The following NTRK3 variants were observed in gnomAD, a reference collection of about 807,000 sequenced individuals.
NTRK3 encodes the protein neurotrophic receptor tyrosine kinase 3.
Under a neutral mutation model 91.7 loss-of-function variants are expected in NTRK3, and 24 were observed. The ratio of observed to expected loss-of-function variants is 0.26; its 90% CI spans 0.19 to 0.37. NTRK3 has a LOEUF of 0.37. NTRK3 is among the 10% of genes least tolerant of loss of function. NTRK3 has a pLI of 1.00. For synonymous variants in NTRK3, 483 were observed against 404.0 expected, an observed-to-expected ratio of 1.20 and a Z score of -2.34; for missense variants, 880 against 1,068.9, an observed-to-expected ratio of 0.82 and a Z score of 2.46.
chr15:87,884,032 A>C, intron 17 of NTRK3, among the ~76,000 whole-genome samples: 1 of 151,090 alleles, frequency 6.6e-6, no homozygotes, highest in South Asian at 2.1e-4. Flanking sequence ...ATGCAAGAAA[A>C]GTAAGAAGAA....
chr15:88,141,019 C>T (rs1478752993), intron 6 of NTRK3, among the ~76,000 whole-genome samples: 1 of 152,088 alleles, frequency 6.6e-6, no homozygotes, highest in Non-Finnish European at 1.5e-5. Context: ...GCAGGGAGAA[C>T]TGTCTTTGGT....
At chr15:87,977,450 T>C (rs2073823257) in intron 14 of NTRK3, 1 of 216,094 alleles carries the variant, frequency 4.6e-6, no homozygotes, top group Non-Finnish European at 9.3e-6. Flanking sequence ...CCCATTGTCA[T>C]AGCACAAGGT....
intron 4 of NTRK3, 54 bp from the exon 5 acceptor site, chr15:88,183,543 GC>G: frequency 6.5e-7 from 1 of 1,538,650 alleles, no homozygotes; most frequent in Non-Finnish European, 9.0e-7. Context: ...AGGGATATCT[GC>G]TCTGGGCTGA....
At chr15:87,862,479 G>C (rs567660769) in exon 19 of NTRK3, 4 of 228,128 alleles carry the variant, frequency 1.8e-5, no homozygotes, top group South Asian at 1.8e-4. Context: ...CAAAATGGAG[G>C]TTTTCTAACA....
At chr15:88,125,006 GTCTT>G (rs1485860659) in intron 13 of NTRK3, among the ~76,000 whole-genome samples, 2 of 152,174 alleles carry the variant, frequency 1.3e-5, no homozygotes, top group Admixed American at 6.5e-5. Flanking sequence ...TTGAGACAGG[GTCTT>G]TCTTTGTTGC....
chr15:88,053,422 T>G (rs1008532972), intron 13 of NTRK3, among the ~76,000 whole-genome samples: 1 of 152,166 alleles, frequency 6.6e-6, no homozygotes, highest in Admixed American at 6.5e-5. Flanking sequence ...AGCCGGACCA[T>G]GCAAAGGGTA....
exon 18 of NTRK3, chr15:87,880,318 C>T (rs1361372348): frequency 6.2e-7 from 1 of 1,614,080 alleles, no homozygotes; most frequent in South Asian, 1.1e-5. Context: ...AGGTGAAGAT[C>T]TCCCAGAGGA....
chr15:87,989,725 G>T (rs1262788602), intron 14 of NTRK3, among the ~76,000 whole-genome samples: 1 of 151,820 alleles, frequency 6.6e-6, no homozygotes, highest in South Asian at 2.1e-4. Context: ...TCATGCCTCA[G>T]CCACTTAAGT....
intron 14 of NTRK3, among the ~76,000 whole-genome samples, chr15:87,947,446 G>C (rs1433414116): frequency 6.6e-6 from 1 of 152,186 alleles, no homozygotes; most frequent in Non-Finnish European, 1.5e-5. Flanking sequence ...CATCTGTAAA[G>C]AGAGAGTGTG....
rs80163123 is a variant in NTRK3 at position 88,234,943 on chromosome 15, G to A, written c.248+20963C>T. On this transcript the variant is annotated intron_variant, in intron 3 of 18. Coordinates refer to ENST00000394480, the Ensembl canonical transcript of NTRK3. This position sits in a 1 kb window ranked among gnomAD's most constrained non-coding sequence, Gnocchi z 6.1. Reference sequence around the variant, plus strand: ...TCCAGCCCCTTCCAACCTGAGAGGCGTTGCACTGGCTACGCCCTGGGCCTG... The same window carrying A: ...TCCAGCCCCTTCCAACCTGAGAGGCATTGCACTGGCTACGCCCTGGGCCTG... Among the ~76,000 whole-genome samples the A allele has an allele frequency of 2.4e-3, 362 of 152,140 alleles. 1 individual carries two copies. Among genetic ancestry groups the A allele is most frequent in the African/African-American group, 7.9e-3 (329 of 41,518 alleles).
chr15:88,223,701 T>C lies in NTRK3; in HGVS notation c.248+32205A>G, dbSNP rs145810344. On this transcript the variant is annotated intron_variant, in intron 3 of 18. Coordinates refer to ENST00000394480, the Ensembl canonical transcript of NTRK3. ...CTTATATATGTAATGGGCATAATAA[T>C]ACCGTCTACCTCCTTGGGCCACAGG... Among the ~76,000 whole-genome samples, 237 of 152,288 alleles carry C rather than the reference T, an allele frequency of 1.6e-3. 1 individual carries two copies. Among genetic ancestry groups the C allele is most frequent in the African/African-American group, 5.5e-3 (227 of 41,572 alleles).
rs548804782 is a variant in NTRK3, at chr15:87,913,568, T to C, written c.2133+15623A>G. On this transcript the variant is annotated intron_variant, in intron 17 of 18. Coordinates refer to ENST00000394480, the Ensembl canonical transcript of NTRK3. ...TCACTCCACTCTGGGCAATCACCAG[T>C]CAATCAGAACAGGCACTTGAAATCT... Among the ~76,000 whole-genome samples the C allele has an allele frequency of 2.6e-5, 4 of 152,202 alleles. No homozygotes were observed. The South Asian group carries it at 8.3e-4, about 32-fold the overall frequency.
At chr15:87,899,298 C>T (rs370725858) in intron 17 of NTRK3, among the ~76,000 whole-genome samples, 16 of 152,060 alleles carry the variant, frequency 1.1e-4, no homozygotes, top group Non-Finnish European at 1.8e-4. Context: ...GCTCTTTCAA[C>T]GTAAGGCTGT....
chr15:87,905,446 G>A (rs1033317047), intron 17 of NTRK3, among the ~76,000 whole-genome samples: 1 of 151,986 alleles, frequency 6.6e-6, no homozygotes, highest in African/African-American at 2.4e-5. Flanking sequence ...AAAACAACAG[G>A]TTACCTATTT....
At chr15:88,247,857 G>C (rs1206168173) in intron 3 of NTRK3, among the ~76,000 whole-genome samples, 1 of 152,154 alleles carries the variant, frequency 6.6e-6, no homozygotes, top group African/African-American at 2.4e-5. Flanking sequence ...GGCGGGGTAA[G>C]GTCGCGGGGG....
At chr15:88,077,557 G>A (rs1365356610) in intron 13 of NTRK3, among the ~76,000 whole-genome samples, 1 of 152,092 alleles carries the variant, frequency 6.6e-6, no homozygotes, top group Non-Finnish European at 1.5e-5. Flanking sequence ...CTGGGAAGGT[G>A]GTTTATGCCT....
chr15:88,246,938 C>T (rs190507531), intron 3 of NTRK3, among the ~76,000 whole-genome samples: 1 of 141,602 alleles, frequency 7.1e-6, no homozygotes, highest in South Asian at 2.1e-4. Flanking sequence ...GCCACACGCC[C>T]GGCTCCCGCC....
chr15:88,224,292 G>A (rs1345457869), intron 3 of NTRK3, among the ~76,000 whole-genome samples: 4 of 152,174 alleles, frequency 2.6e-5, no homozygotes, highest in Admixed American at 1.3e-4. Flanking sequence ...CAGAGACTAG[G>A]ACAGGCTGAA....
intron 5 of NTRK3, among the ~76,000 whole-genome samples, chr15:88,156,194 G>A (rs1161462455): frequency 6.6e-6 from 1 of 152,230 alleles, no homozygotes; most frequent in Non-Finnish European, 1.5e-5. Flanking sequence ...CCAGAGCACA[G>A]TGCAACATCA....
Sources: allele counts gnomAD v4.1 joint callset (sites outside exome capture counted in the v4.1 genomes callset), GRCh38; gene constraint gnomAD v4.1.1; non-coding constraint Gnocchi (gnomAD v3.1); transcripts MANE v1.5; gene names NCBI Gene and HGNC (gene_info 2026-07-23, HGNC 2026-07-21).